Variants in ST18 observed in about 807,000 individuals in gnomAD.
The protein encoded by ST18 is suppression of tumorigenicity 18 protein.
ST18 carries 50 observed loss-of-function variants against 110.0 expected under a neutral mutation model. The observed-to-expected ratio is 0.45, with a 90% CI of 0.36 to 0.58. The LOEUF (loss-of-function observed/expected upper bound fraction) is 0.58. Ranked by LOEUF, ST18 falls within the 20% of genes least tolerant of loss-of-function variation. The pLI, the probability that ST18 is intolerant of heterozygous loss-of-function variation, is 0.00. For synonymous variants in ST18, 461 were observed against 452.4 expected (o/e 1.02, Z -0.24); for missense variants, 1,306 against 1,280.1 (o/e 1.02, Z -0.31).
rs144743396 is a variant in ST18 at position 52,258,049 on chromosome 8, G to A, written c.-464-27972C>T. Among the ~76,000 whole-genome samples the A allele has an allele frequency of 7.1e-5, 10 of 141,018 alleles. No individual in the cohort carries two copies. The East Asian group carries it at 2.0e-3, about 28-fold the overall frequency. The allele number at this position is 141,018 out of a possible 152,430, so 92.5% of individuals were successfully genotyped here. ...TTGAAAAGTATATTCTTTCCCTATT[G>A]AACTGCTTTGACACCTTGTTGGAAA... On this transcript the variant is annotated intron_variant, in intron 2 of 25. Coordinates refer to ENST00000689386, the MANE Select transcript of ST18 (RefSeq NM_001352837.2).
chr8:52,373,515 C>G (rs756205904), intron 2 of ST18, among the ~76,000 whole-genome samples: 1 of 151,948 alleles, frequency 6.6e-6, no homozygotes, highest in Admixed American at 6.6e-5. Flanking sequence ...CGCCCTTTCT[C>G]AGGAGCTCCT....
chr8:52,175,189 C>T (rs1257658082), intron 9 of ST18, among the ~76,000 whole-genome samples: 2 of 152,162 alleles, frequency 1.3e-5, no homozygotes, highest in Non-Finnish European at 2.9e-5. Flanking sequence ...GGAGGCCACA[C>T]GGGAATACCC....
chr8:52,355,917 T>C (rs538371665), intron 2 of ST18, among the ~76,000 whole-genome samples: 81 of 152,298 alleles, frequency 5.3e-4, no homozygotes, highest in African/African-American at 1.9e-3. Flanking sequence ...GGCAGCTTCC[T>C]GGAAAGCTTT....
intron 2 of ST18, among the ~76,000 whole-genome samples, chr8:52,384,807 G>GTA (rs1378165336): frequency 6.6e-6 from 1 of 151,846 alleles, no homozygotes; most frequent in African/African-American, 2.4e-5. Flanking sequence ...GTGTGTGTGT[G>GTA]TGTGTGTATC....
At chr8:52,305,080 A>G (rs966458449) in intron 2 of ST18, among the ~76,000 whole-genome samples, 1 of 152,246 alleles carries the variant, frequency 6.6e-6, no homozygotes, top group Non-Finnish European at 1.5e-5. Context: ...TCATTTAAAC[A>G]TAAATAATAG....
intron 2 of ST18, among the ~76,000 whole-genome samples, chr8:52,314,886 C>T (rs897935679): frequency 2.6e-5 from 4 of 152,174 alleles, no homozygotes; most frequent in African/African-American, 9.6e-5. Context: ...GCCAGCCAGC[C>T]TCGATTCTAA....
chr8:52,203,995 C>T (rs1172365660), intron 8 of ST18, among the ~76,000 whole-genome samples: 2 of 152,148 alleles, frequency 1.3e-5, no homozygotes, highest in Non-Finnish European at 2.9e-5. Context: ...TCTCTGGAAG[C>T]ATATAAAATA....
chr8:52,123,540 C>G (rs907895717), intron 23 of ST18, among the ~76,000 whole-genome samples: 1 of 152,182 alleles, frequency 6.6e-6, no homozygotes, highest in African/African-American at 2.4e-5. Flanking sequence ...ATTGTAGGTT[C>G]TTAAGCTTTA....
At position 52,268,468 on chromosome 8, in the gene ST18, CATCTATCT is replaced by C. The variant is rs55683613; in HGVS notation, c.-464-38399_-464-38392del. 9.1e-3 allele frequency among the ~76,000 whole-genome samples: 1,346 copies of C among 148,708 alleles called. 11 individuals are homozygous for C. Among genetic ancestry groups the C allele is most frequent in the African/African-American group, 0.022 (884 of 40,106 alleles). ...ATCTATCTATCGTCTATCTATCTAT[CATCTATCT>C]ATCTATCTATCTATCTATCTATCTA... On this transcript the variant is annotated intron_variant, in intron 2 of 25. Transcript: ENST00000689386.
intron 3 of ST18, among the ~76,000 whole-genome samples, chr8:52,223,607 A>T (rs1243889444): frequency 6.6e-6 from 1 of 151,698 alleles, no homozygotes; most frequent in Non-Finnish European, 1.5e-5. Flanking sequence ...TCACACTGCT[A>T]CACTCCAGCC....
At chr8:52,364,406 A>G (rs974071789) in intron 2 of ST18, among the ~76,000 whole-genome samples, 1 of 152,186 alleles carries the variant, frequency 6.6e-6, no homozygotes, top group Admixed American at 6.5e-5. Flanking sequence ...GCTGCATTCC[A>G]TATCTTTGAT....
intron 2 of ST18, among the ~76,000 whole-genome samples, chr8:52,242,360 C>G (rs1481256811): frequency 1.3e-5 from 2 of 152,224 alleles, no homozygotes; most frequent in Non-Finnish European, 2.9e-5. Flanking sequence ...CACACCCCCT[C>G]TGGGGGCTAT....
chr8:52,116,725 C>T (rs2042685288), intron 24 of ST18, among the ~76,000 whole-genome samples: 1 of 152,200 alleles, frequency 6.6e-6, no homozygotes, highest in Non-Finnish European at 1.5e-5. Flanking sequence ...AAACTTGCTC[C>T]ATCCGCTGTC....
intron 2 of ST18, among the ~76,000 whole-genome samples, chr8:52,397,502 T>C (rs1057263990): frequency 6.6e-6 from 1 of 152,206 alleles, no homozygotes; most frequent in Non-Finnish European, 1.5e-5. Context: ...CTGAGGCTTT[T>C]GGAGTGATAT....
At chr8:52,166,104 G>A (rs149146708) in intron 11 of ST18, among the ~76,000 whole-genome samples, 105 of 152,268 alleles carry the variant, frequency 6.9e-4, no homozygotes, top group African/African-American at 2.4e-3. Flanking sequence ...GCTCTGTGAT[G>A]CGTCAAGGCT....
At chr8:52,302,968 A>T (rs1159347087) in intron 2 of ST18, among the ~76,000 whole-genome samples, 1 of 152,148 alleles carries the variant, frequency 6.6e-6, no homozygotes, top group Non-Finnish European at 1.5e-5. Flanking sequence ...TTCATAGGAA[A>T]CTTTCTTACC....
intron 2 of ST18, among the ~76,000 whole-genome samples, chr8:52,328,182 A>T (rs990770294): frequency 6.6e-6 from 1 of 152,204 alleles, no homozygotes; most frequent in African/African-American, 2.4e-5. Flanking sequence ...AGGGAAGTGC[A>T]AATCCTGTAC....
At chr8:52,127,717 A>G (rs2047609953) in intron 22 of ST18, among the ~76,000 whole-genome samples, 1 of 152,130 alleles carries the variant, frequency 6.6e-6, no homozygotes, top group Non-Finnish European at 1.5e-5. Context: ...GAATATAGTT[A>G]TGAAAGAGAG....
intron 8 of ST18, chr8:52,199,231 C>T (rs958441371): frequency 6.6e-6 from 1 of 151,574 alleles, no homozygotes; most frequent in Non-Finnish European, 1.5e-5. Context: ...ATCTAGACAA[C>T]ATGGACAGTA....
Sources: allele counts gnomAD v4.1 joint callset (sites outside exome capture counted in the v4.1 genomes callset), GRCh38; gene constraint gnomAD v4.1.1; transcripts MANE v1.5; gene names NCBI Gene and HGNC (gene_info 2026-07-23, HGNC 2026-07-21).